The following TMEM65 variants were observed in gnomAD, a reference collection of about 807,000 sequenced individuals.
The protein encoded by TMEM65 is transmembrane protein 65.
In TMEM65, 22 loss-of-function variants were observed where a neutral mutation model predicts 25.4. That is an observed-to-expected ratio of 0.86 (90% CI 0.62 to 1.23). The LOEUF is 1.23. Ranked by LOEUF, TMEM65 falls within the 50% of genes most tolerant of loss-of-function variation. The pLI, the probability that TMEM65 is intolerant of heterozygous loss-of-function variation, is 0.00. For synonymous variants in TMEM65, 132 were observed against 126.2 expected, an observed-to-expected ratio of 1.05 and a Z score of -0.31; for missense variants, 262 against 308.2, an observed-to-expected ratio of 0.85 and a Z score of 1.12.
intron 1 of TMEM65, among the ~76,000 whole-genome samples, chr8:124,357,970 C>T (rs1016765001): frequency 2.0e-5 from 3 of 151,568 alleles, no homozygotes; most frequent in East Asian, 2.0e-4. Flanking sequence ...GCTTGGATTA[C>T]AGGCACCTGC....
At chr8:124,357,014 CCTCT>C (rs779819575) in intron 1 of TMEM65, among the ~76,000 whole-genome samples, 19 of 151,682 alleles carry the variant, frequency 1.3e-4, no homozygotes, top group Non-Finnish European at 2.2e-4. Context: ...GGTCTTATTC[CCTCT>C]TTCTTGAAAT....
chr8:124,369,650 T>C (rs1368952679), intron 1 of TMEM65, among the ~76,000 whole-genome samples: 1 of 152,200 alleles, frequency 6.6e-6, no homozygotes. Context: ...TTTATCTGGC[T>C]GGAAAAAAAT....
chr8:124,355,838 G>A (rs771680770), intron 1 of TMEM65, among the ~76,000 whole-genome samples: 7 of 152,136 alleles, frequency 4.6e-5, no homozygotes, highest in Non-Finnish European at 5.9e-5. Flanking sequence ...ACCATAAGAG[G>A]GTACAGCTAA....
chr8:124,321,313 G>A (rs1048855087), intron 5 of TMEM65, among the ~76,000 whole-genome samples: 14 of 152,130 alleles, frequency 9.2e-5, no homozygotes, highest in Admixed American at 2.6e-4. Context: ...ATCTGAAATT[G>A]TAACACTCAA....
intron 1 of TMEM65, among the ~76,000 whole-genome samples, chr8:124,348,895 T>C (rs765098074): frequency 1.8e-4 from 28 of 152,178 alleles, no homozygotes; most frequent in Non-Finnish European, 2.9e-4. Context: ...GTCTGGGATA[T>C]GATAATGACT....
intron 1 of TMEM65, among the ~76,000 whole-genome samples, chr8:124,350,404 TTC>T (rs139539107): frequency 2.2e-4 from 32 of 148,752 alleles, no homozygotes; most frequent in African/African-American, 5.3e-4. Flanking sequence ...GTTTTAATCT[TTC>T]TCTCTCTCTC....
intron 1 of TMEM65, among the ~76,000 whole-genome samples, chr8:124,355,745 G>T (rs1292717317): frequency 6.6e-6 from 1 of 152,172 alleles, no homozygotes; most frequent in Non-Finnish European, 1.5e-5. Flanking sequence ...CAATCAACTG[G>T]CCCTAAATCA....
chr8:124,356,272 T>C (rs552244961), intron 1 of TMEM65, among the ~76,000 whole-genome samples: 4 of 152,190 alleles, frequency 2.6e-5, no homozygotes, highest in Non-Finnish European at 4.4e-5. Flanking sequence ...CCCATTAGGA[T>C]AGCGGGTAAT....
At chr8:124,345,935 C>T (rs1379174007) in intron 1 of TMEM65, among the ~76,000 whole-genome samples, 1 of 152,054 alleles carries the variant, frequency 6.6e-6, no homozygotes, top group African/African-American at 2.4e-5. Context: ...TTAGCAGAGA[C>T]AGGGTTTCAC....
intron 1 of TMEM65, among the ~76,000 whole-genome samples, chr8:124,370,687 T>C (rs1815000869): frequency 1.3e-5 from 2 of 152,322 alleles, no homozygotes; most frequent in South Asian, 2.1e-4. Flanking sequence ...TCTGAAGTAG[T>C]ACAGATAACG....
chr8:124,330,497 A>G (rs948541718), intron 2 of TMEM65, among the ~76,000 whole-genome samples: 1 of 152,018 alleles, frequency 6.6e-6, no homozygotes, highest in African/African-American at 2.4e-5. Flanking sequence ...TATCATAAAA[A>G]TAATTCTATT....
intron 5 of TMEM65, among the ~76,000 whole-genome samples, chr8:124,321,506 T>C (rs796475711): frequency 5.9e-5 from 9 of 152,272 alleles, no homozygotes; most frequent in East Asian, 1.9e-4. Flanking sequence ...CTTTTCTAAA[T>C]AGATGTCCTT....
chr8:124,364,825 G>A (rs891195447), intron 1 of TMEM65, among the ~76,000 whole-genome samples: 13 of 152,104 alleles, frequency 8.5e-5, no homozygotes, highest in Non-Finnish European at 1.8e-4. Flanking sequence ...CAAGGCTACA[G>A]TCCTGTAAAG....
At chr8:124,358,912 T>C (rs1000604800) in intron 1 of TMEM65, among the ~76,000 whole-genome samples, 12 of 152,200 alleles carry the variant, frequency 7.9e-5, no homozygotes, top group African/African-American at 2.7e-4. Flanking sequence ...GATGTATGTT[T>C]TGAGCTATCT....
chr8:124,323,017 A>AATAC (rs1814324553), intron 4 of TMEM65, among the ~76,000 whole-genome samples: 1 of 151,902 alleles, frequency 6.6e-6, no homozygotes, highest in Non-Finnish European at 1.5e-5. Context: ...TAAATAAATA[A>AATAC]ATAAATAAAA....
rs1240589338 is a variant in TMEM65, at chr8:124,307,141, T to C, written c.*6819A>G. On this transcript the variant is annotated 3_prime_UTR_variant, in exon 7 of 7. Transcript: ENST00000297632. Reference sequence around the variant, plus strand: ...TTGCTGTTGCTGTGAGCTCAAGTGCTGTATTCACTTAAAATGCCATGTGAT... The same window carrying C: ...TTGCTGTTGCTGTGAGCTCAAGTGCCGTATTCACTTAAAATGCCATGTGAT... The C allele has an allele frequency of 1.3e-5, 2 of 152,218 alleles. No individual in the cohort carries two copies. The highest frequency in any genetic ancestry group is 2.4e-5 in the African/African-American group (1 of 41,444). 9.4% of individuals were successfully genotyped at this position (152,218 alleles called of 1,614,324 possible).
At chr8:124,327,490 A>G in intron 2 of TMEM65, 69 bp from the exon 3 acceptor site, 2 of 1,038,060 alleles carry the variant, frequency 1.9e-6, no homozygotes, top group Non-Finnish European at 1.4e-6. Context: ...AAAACAGATG[A>G]TATGATCAAA....
chr8:124,353,074 C>G (rs1027261646), intron 1 of TMEM65, among the ~76,000 whole-genome samples: 5 of 151,956 alleles, frequency 3.3e-5, no homozygotes, highest in Non-Finnish European at 5.9e-5. Context: ...TTGTGGTGAG[C>G]TGAGGTCGCA....
At chr8:124,344,552 G>A (rs1375293576) in intron 1 of TMEM65, among the ~76,000 whole-genome samples, 2 of 152,150 alleles carry the variant, frequency 1.3e-5, no homozygotes, top group African/African-American at 2.4e-5. Flanking sequence ...AAGACTGCAT[G>A]CAATAGCTAA....
Sources: gnomAD v4.1 joint callset for allele counts (sites outside exome capture counted in the v4.1 genomes callset) on GRCh38, gnomAD v4.1.1 for gene constraint, MANE v1.5 for transcripts, NCBI Gene and HGNC (gene_info 2026-07-23, HGNC 2026-07-21) for gene names.